The following NKAIN3 variants were observed in gnomAD, a reference collection of about 807,000 sequenced individuals.
NKAIN3 encodes the protein sodium/potassium-transporting ATPase subunit beta-1-interacting protein 3.
A neutral mutation model predicts 30.2 loss-of-function variants in NKAIN3; 25 were observed. That is an observed-to-expected ratio of 0.83 (90% CI 0.60 to 1.16). The LOEUF is 1.16. Ranked by LOEUF, NKAIN3 falls within the 50% of genes most tolerant of loss-of-function variation. NKAIN3 has a pLI of 0.00. For missense variants in NKAIN3, 225 were observed against 254.1 expected (o/e 0.89, Z 0.78); for synonymous variants, 91 against 89.6 (o/e 1.02, Z -0.09).
chr8:62,732,859 G>A (rs1213089774), intron 3 of NKAIN3, among the ~76,000 whole-genome samples: 1 of 151,866 alleles, frequency 6.6e-6, no homozygotes, highest in African/African-American at 2.4e-5. Flanking sequence ...TCTGTGTCCA[G>A]ATGCTTAAAT....
chr8:62,517,269 A>T (rs1285309034), intron 1 of NKAIN3, among the ~76,000 whole-genome samples: 1 of 152,144 alleles, frequency 6.6e-6, no homozygotes, highest in African/African-American at 2.4e-5. Context: ...TGCAGTGGGT[A>T]TTAATAAGAA....
At chr8:62,445,376 T>C (rs1805455777) in intron 1 of NKAIN3, among the ~76,000 whole-genome samples, 1 of 152,104 alleles carries the variant, frequency 6.6e-6, no homozygotes, top group South Asian at 2.1e-4. Context: ...ATCAATTTTC[T>C]TGGTTTTTTG....
At chr8:62,899,747 G>A (rs1420425583) in intron 4 of NKAIN3, among the ~76,000 whole-genome samples, 3 of 152,186 alleles carry the variant, frequency 2.0e-5, no homozygotes, top group Non-Finnish European at 4.4e-5. Context: ...GTATAATTTG[G>A]ATTGTTTGTA....
At chr8:62,666,418 T>C (rs1457263989) in intron 3 of NKAIN3, among the ~76,000 whole-genome samples, 2 of 152,202 alleles carry the variant, frequency 1.3e-5, no homozygotes, top group Non-Finnish European at 2.9e-5. Flanking sequence ...TATCATTTTA[T>C]GTTAAGACAA....
chr8:62,467,439 T>A (rs1349412090), intron 1 of NKAIN3, among the ~76,000 whole-genome samples: 1 of 152,182 alleles, frequency 6.6e-6, no homozygotes, highest in Non-Finnish European at 1.5e-5. Flanking sequence ...AGAAATCTCA[T>A]AAATTAGTGC....
At chr8:62,249,876 T>G (rs1265243344) in intron 1 of NKAIN3, among the ~76,000 whole-genome samples, 1 of 152,172 alleles carries the variant, frequency 6.6e-6, no homozygotes, top group Admixed American at 6.5e-5. Flanking sequence ...AAAAAGGCCC[T>G]TTCAGAGCAG....
intron 4 of NKAIN3, among the ~76,000 whole-genome samples, chr8:62,826,556 C>T (rs1006563150): frequency 6.6e-6 from 1 of 152,070 alleles, no homozygotes; most frequent in Non-Finnish European, 1.5e-5. Flanking sequence ...CTATCCATTC[C>T]ATAGTAACAA....
At chr8:62,488,524 G>C (rs547584795) in intron 1 of NKAIN3, among the ~76,000 whole-genome samples, 2 of 152,196 alleles carry the variant, frequency 1.3e-5, no homozygotes, top group South Asian at 4.2e-4. Context: ...TGAATGGGTA[G>C]CCCATCCTCT....
chr8:62,737,798 C>G (rs1463528133), intron 3 of NKAIN3, among the ~76,000 whole-genome samples: 1 of 152,032 alleles, frequency 6.6e-6, no homozygotes, highest in Admixed American at 6.5e-5. Flanking sequence ...ATCATCAACC[C>G]CCTTCAATTA....
chr8:62,987,696 G>A (rs1824232632), downstream of NKAIN3, among the ~76,000 whole-genome samples: 1 of 152,088 alleles, frequency 6.6e-6, no homozygotes, highest in South Asian at 2.1e-4. Context: ...AATTATGACA[G>A]CTACAATTCA....
chr8:62,727,484 A>G (rs531918709), intron 3 of NKAIN3, among the ~76,000 whole-genome samples: 2 of 152,272 alleles, frequency 1.3e-5, no homozygotes, highest in South Asian at 4.1e-4. Flanking sequence ...GAACTAATAA[A>G]CAATTATAAC....
intron 3 of NKAIN3, among the ~76,000 whole-genome samples, chr8:62,639,037 T>A (rs993602856): frequency 6.6e-6 from 1 of 152,118 alleles, no homozygotes; most frequent in South Asian, 2.1e-4. Flanking sequence ...TCTTCTTACA[T>A]CTCAAAATTA....
At chr8:62,770,579 T>G (rs957018233) in intron 4 of NKAIN3, among the ~76,000 whole-genome samples, 25 of 152,218 alleles carry the variant, frequency 1.6e-4, no homozygotes, top group African/African-American at 6.0e-4. Flanking sequence ...AGGGTACTAA[T>G]AACATTTATA....
intron 2 of NKAIN3, among the ~76,000 whole-genome samples, chr8:62,581,335 A>G (rs1049634980): frequency 1.3e-5 from 2 of 152,058 alleles, no homozygotes; most frequent in Admixed American, 1.3e-4. Flanking sequence ...TTTACTCATT[A>G]CAGACTTTTT....
intron 1 of NKAIN3, among the ~76,000 whole-genome samples, chr8:62,261,940 A>G (rs1191137954): frequency 1.3e-5 from 2 of 152,160 alleles, no homozygotes; most frequent in East Asian, 1.9e-4. Flanking sequence ...ATGTTATGCT[A>G]TTGCTTAAAG....
chr8:62,498,490 C>T (rs952353806), intron 1 of NKAIN3, among the ~76,000 whole-genome samples: 1 of 151,944 alleles, frequency 6.6e-6, no homozygotes, highest in East Asian at 1.9e-4. Flanking sequence ...AGTTCTCACA[C>T]TCTACCACCA....
chr8:62,798,179 T>G (rs778854831), intron 4 of NKAIN3, among the ~76,000 whole-genome samples: 2 of 152,176 alleles, frequency 1.3e-5, no homozygotes, highest in Non-Finnish European at 2.9e-5. Context: ...ATCAGTTCCT[T>G]GCAGCACCTT....
intron 1 of NKAIN3, among the ~76,000 whole-genome samples, chr8:62,308,845 C>T (rs1166942704): frequency 6.6e-6 from 1 of 150,498 alleles, no homozygotes; most frequent in Non-Finnish European, 1.5e-5. Flanking sequence ...AACAACCTTG[C>T]ATTTTACAGC....
intron 1 of NKAIN3, among the ~76,000 whole-genome samples, chr8:62,427,657 C>T (rs1025380710): frequency 2.0e-5 from 3 of 151,810 alleles, no homozygotes; most frequent in African/African-American, 7.3e-5. Flanking sequence ...TTTTCTGTGG[C>T]ATTTTCAAGA....
Sources: allele counts gnomAD v4.1 joint callset (sites outside exome capture counted in the v4.1 genomes callset), GRCh38; gene constraint gnomAD v4.1.1; transcripts MANE v1.5; gene names NCBI Gene and HGNC (gene_info 2026-07-23, HGNC 2026-07-21).